The following FHIT variants were observed in gnomAD, a reference collection of about 807,000 sequenced individuals.
FHIT encodes bis(5'-adenosyl)-triphosphatase.
In FHIT, 19 loss-of-function variants were observed where a neutral mutation model predicts 17.9. The ratio of observed to expected loss-of-function variants is 1.06; its 90% CI spans 0.74 to 1.56. The LOEUF (loss-of-function observed/expected upper bound fraction) is 1.56, where lower values mean the gene tolerates loss of function less well. FHIT is among the 40% of genes most tolerant of loss of function. FHIT has a pLI of 0.00. For missense variants in FHIT, 248 were observed against 189.2 expected, an observed-to-expected ratio of 1.31 and a Z score of -1.82; for synonymous variants, 81 against 69.7, an observed-to-expected ratio of 1.16 and a Z score of -0.81.
At chr3:60,471,507 A>T (rs2033087785) in intron 5 of FHIT, among the ~76,000 whole-genome samples, 1 of 152,110 alleles carries the variant, frequency 6.6e-6, no homozygotes, top group African/African-American at 2.4e-5. Context: ...GTTACAATAC[A>T]AAGTCCCACA....
chr3:61,002,845 C>T lies in FHIT; in HGVS notation c.-111+39202G>A, dbSNP rs558086129. Among the ~76,000 whole-genome samples, 18 of 152,274 alleles carry T rather than the reference C, an allele frequency of 1.2e-4. 1 individual carries two copies. Among genetic ancestry groups the T allele is most frequent in the East Asian group, 9.7e-4 (5 of 5,166 alleles). On this transcript the variant is annotated intron_variant, in intron 3 of 9. Transcript: ENST00000492590. ...CACCTCCATTAACCTCTCCTACTCC[C>T]GGCCCAATTTCCTGCTCCATACCCC...
intron 7 of FHIT, among the ~76,000 whole-genome samples, chr3:59,960,196 G>A (rs766270237): frequency 6.6e-6 from 1 of 152,138 alleles, no homozygotes; most frequent in Admixed American, 6.6e-5. Context: ...CAGGGAGCAT[G>A]GTGAGATCAG....
At chr3:60,343,261 C>A (rs1339982217) in intron 5 of FHIT, among the ~76,000 whole-genome samples, 2 of 152,018 alleles carry the variant, frequency 1.3e-5, no homozygotes, top group Non-Finnish European at 2.9e-5. Context: ...AAGCTGCCTG[C>A]AATTCTGCAA....
At chr3:60,471,330 G>T (rs1207008218) in intron 5 of FHIT, among the ~76,000 whole-genome samples, 2 of 152,250 alleles carry the variant, frequency 1.3e-5, no homozygotes, top group East Asian at 3.9e-4. Flanking sequence ...AGTTTATTTA[G>T]AACTTCAGAG....
intron 2 of FHIT, among the ~76,000 whole-genome samples, chr3:61,101,738 G>A (rs2035836839): frequency 6.6e-6 from 1 of 152,086 alleles, no homozygotes; most frequent in Non-Finnish European, 1.5e-5. Flanking sequence ...GTTGAGCAGT[G>A]GTTGGTAGTT....
chr3:60,156,728 G>T (rs990358302), intron 5 of FHIT, among the ~76,000 whole-genome samples: 2 of 152,154 alleles, frequency 1.3e-5, no homozygotes, highest in Non-Finnish European at 2.9e-5. Flanking sequence ...TTTCACCTGG[G>T]CAATGGAGTG....
intron 3 of FHIT, among the ~76,000 whole-genome samples, chr3:60,862,043 G>A (rs1384303444): frequency 6.6e-6 from 1 of 152,002 alleles, no homozygotes; most frequent in Non-Finnish European, 1.5e-5. Flanking sequence ...GAATTTCAAT[G>A]TGTCTAACAA....
intron 5 of FHIT, among the ~76,000 whole-genome samples, chr3:60,092,732 C>T (rs1013440384): frequency 6.6e-6 from 1 of 152,102 alleles, no homozygotes; most frequent in African/African-American, 2.4e-5. Flanking sequence ...CTAGCTGGAA[C>T]AGCACAATAA....
In FHIT at chr3:59,821,746, G is replaced by GT. The variant is rs200203960; in HGVS notation, c.349-69426dup. On this transcript the variant is annotated intron_variant, in intron 8 of 9. Coordinates refer to ENST00000492590, the MANE Select transcript of FHIT (RefSeq NM_002012.4). ...TTTCCTTCTGCTCCTGGTTCTTAGAGTTTTTTTTTAAAAAAAATATATAAA... is the reference window on the plus strand; with the variant it reads ...TTTCCTTCTGCTCCTGGTTCTTAGAGTTTTTTTTTTAAAAAAAATATATAAA... Among the ~76,000 whole-genome samples, 391 of 151,434 alleles carry GT rather than the reference G, an allele frequency of 2.6e-3. 2 individuals are homozygous for GT. Among genetic ancestry groups the GT allele is most frequent in the African/African-American group, 7.8e-3 (322 of 41,358 alleles).
At chr3:60,080,515 G>A (rs558000877) in intron 5 of FHIT, among the ~76,000 whole-genome samples, 8 of 152,142 alleles carry the variant, frequency 5.3e-5, no homozygotes, top group African/African-American at 1.9e-4. Flanking sequence ...TTTCATCCAG[G>A]CACTGATTAT....
intron 2 of FHIT, among the ~76,000 whole-genome samples, chr3:61,147,367 C>T (rs1239131693): frequency 6.6e-6 from 1 of 151,998 alleles, no homozygotes; most frequent in Non-Finnish European, 1.5e-5. Context: ...TTTTAGACTA[C>T]ACGTTTTTCC....
chr3:60,863,377 T>C (rs1352488584), intron 3 of FHIT, among the ~76,000 whole-genome samples: 4 of 152,198 alleles, frequency 2.6e-5, no homozygotes, highest in East Asian at 1.9e-4. Context: ...GAGACATGTA[T>C]TGGGCTTCTG....
At chr3:60,967,120 T>G (rs1411391877) in intron 3 of FHIT, among the ~76,000 whole-genome samples, 1 of 152,214 alleles carries the variant, frequency 6.6e-6, no homozygotes, top group South Asian at 2.1e-4. Context: ...TACTCTTAGC[T>G]TGATATATTG....
intron 2 of FHIT, among the ~76,000 whole-genome samples, chr3:61,125,459 A>G (rs977869129): frequency 8.5e-5 from 13 of 152,200 alleles, no homozygotes; most frequent in Non-Finnish European, 1.3e-4. Context: ...TAAATACCTA[A>G]TTGTTCTCCA....
At chr3:60,147,537 T>C (rs997839452) in intron 5 of FHIT, among the ~76,000 whole-genome samples, 1 of 152,180 alleles carries the variant, frequency 6.6e-6, no homozygotes, top group Non-Finnish European at 1.5e-5. Context: ...CAGGTAGGGA[T>C]GCAGCAGACT....
intron 5 of FHIT, among the ~76,000 whole-genome samples, chr3:60,362,538 A>G (rs1699946777): frequency 1.3e-5 from 2 of 152,192 alleles, no homozygotes; most frequent in African/African-American, 2.4e-5. Flanking sequence ...ACAGTGTGTT[A>G]GTTACCTCTT....
At chr3:59,897,892 G>T (rs536726465) in intron 8 of FHIT, among the ~76,000 whole-genome samples, 1 of 151,448 alleles carries the variant, frequency 6.6e-6, no homozygotes, top group African/African-American at 2.4e-5. Context: ...TCAGCCTCCC[G>T]AGTAGCTGGG....
In FHIT at chr3:61,200,666, C is replaced by A. The variant is rs796651300; in HGVS notation, c.-212-1G>T. 2.0e-5 allele frequency: 3 copies of A among 152,684 alleles called. No individual in the cohort carries two copies. Among genetic ancestry groups the A allele is most frequent in the African/African-American group, 7.2e-5 (3 of 41,538 alleles). 9.5% of individuals were successfully genotyped at this position (152,684 alleles called of 1,614,324 possible). ...TTCTCTTCTTTCCTGAGCTTCAAAG[C>A]TACAAAGACATAAAAATGAAAGACA... is the stretch of plus-strand genomic sequence containing the variant. On this transcript the variant is annotated splice_acceptor_variant, in intron 1 of 9. Transcript: ENST00000492590. LOFTEE classifies it low-confidence loss of function (5UTR_SPLICE).
At chr3:60,545,509 G>A (rs6807877) in intron 4 of FHIT, among the ~76,000 whole-genome samples, 10,832 of 152,138 alleles carry the variant, frequency 0.071, 473 homozygotes, top group Middle Eastern at 0.11. Context: ...ATATATTGCC[G>A]TGAAAGTATT....
Sources: gnomAD v4.1 joint callset for allele counts (sites outside exome capture counted in the v4.1 genomes callset) on GRCh38, gnomAD v4.1.1 for gene constraint, MANE v1.5 for transcripts, NCBI Gene and HGNC (gene_info 2026-07-23, HGNC 2026-07-21) for gene names.